EFL1: variants seen among roughly 807,000 people sequenced by gnomAD.
EFL1 encodes elongation factor like GTPase 1, also known as elongation factor-like GTPase 1.
A neutral mutation model predicts 126.7 loss-of-function variants in EFL1; 76 were observed. That is an observed-to-expected ratio of 0.60 (90% CI 0.50 to 0.73). EFL1 has a LOEUF of 0.73. Ranked by LOEUF, EFL1 falls within the 30% of genes least tolerant of loss-of-function variation. EFL1 has a pLI of 0.00. For synonymous variants in EFL1, 410 were observed against 448.4 expected (o/e 0.91, Z 1.08); for missense variants, 1,128 against 1,343.2 (o/e 0.84, Z 2.50).
chr15:82,214,166 AG>A (rs1281716018), intron 15 of EFL1, among the ~76,000 whole-genome samples: 1 of 152,202 alleles, frequency 6.6e-6, no homozygotes, highest in Non-Finnish European at 1.5e-5. Context: ...CTGAGTCTTT[AG>A]GGTTGCACTA....
At position 82,130,387 on chromosome 15, in the gene EFL1, T is replaced by G. The variant is rs1456477035; in HGVS notation, c.3349A>C (p.Ser1117Arg). The G allele has an allele frequency of 6.2e-7, 1 of 1,614,060 alleles. No individual in the cohort carries two copies. The highest frequency in any genetic ancestry group is 8.5e-7 in the Non-Finnish European group (1 of 1,179,974). ...VEHAEKQRTLSKNK is the reference protein window; with the variant it reads ...VEHAEKQRTLRKNK Reference sequence around the variant, plus strand: ...GTAGTAGGTAGCTACTTATTTTTGCTGAGTGTCCTCTGCTTTTCTGCATGC... The same window carrying G: ...GTAGTAGGTAGCTACTTATTTTTGCGGAGTGTCCTCTGCTTTTCTGCATGC... The change falls in exon 20 of 20, where the codon AGC becomes CGC. Residue 1117 changes from serine to arginine, a missense_variant. This residue lies in a region of EFL1 where 561 missense variants were observed against 641.7 expected (regional missense o/e 0.87). Coordinates refer to ENST00000268206, the MANE Select transcript of EFL1 (RefSeq NM_024580.6).
chr15:82,258,447 A>T (rs920740757), intron 3 of EFL1, among the ~76,000 whole-genome samples: 11 of 152,108 alleles, frequency 7.2e-5, no homozygotes, highest in Non-Finnish European at 1.6e-4. Context: ...GGTACCCAAG[A>T]GGCTGAGGTG....
chr15:82,161,667 T>C (rs1305625878), intron 16 of EFL1, among the ~76,000 whole-genome samples: 1 of 152,262 alleles, frequency 6.6e-6, no homozygotes, highest in African/African-American at 2.4e-5. Context: ...CATTTTAGTT[T>C]ACTTTTTACA....
intron 2 of EFL1, among the ~76,000 whole-genome samples, chr15:82,261,044 A>C (rs1262105750): frequency 6.6e-6 from 1 of 152,142 alleles, no homozygotes; most frequent in Non-Finnish European, 1.5e-5. Flanking sequence ...CTTTGACCAC[A>C]TATATTTCCC....
intron 16 of EFL1, 37 bp downstream of exon 16, chr15:82,163,816 T>C (rs1013604949): frequency 8.1e-6 from 13 of 1,607,936 alleles, no homozygotes; most frequent in Admixed American, 6.7e-5. Context: ...TTTAAAAGTA[T>C]AATAAACATA....
At chr15:82,200,713 T>C (rs188469055) in intron 15 of EFL1, among the ~76,000 whole-genome samples, 2 of 152,152 alleles carry the variant, frequency 1.3e-5, no homozygotes, top group Non-Finnish European at 2.9e-5. Context: ...GCTCTGGGAG[T>C]TGAATAATCC....
intron 2 of EFL1, among the ~76,000 whole-genome samples, chr15:82,260,487 T>C (rs1007534866): frequency 6.6e-6 from 1 of 152,176 alleles, no homozygotes; most frequent in African/African-American, 2.4e-5. Context: ...ACCAATCTAA[T>C]CTTTCTCATG....
intron 15 of EFL1, among the ~76,000 whole-genome samples, chr15:82,189,764 C>T (rs1595971476): frequency 6.6e-6 from 1 of 152,190 alleles, no homozygotes; most frequent in Admixed American, 6.5e-5. Context: ...TTAGTATATA[C>T]ATTTATTTAT....
chr15:82,154,647 G>T (rs180786172), intron 17 of EFL1, among the ~76,000 whole-genome samples: 3 of 152,136 alleles, frequency 2.0e-5, no homozygotes, highest in Non-Finnish European at 4.4e-5. Context: ...GGGCCCCAAT[G>T]CCATTAAGTA....
rs189108284 is a variant in EFL1, at chr15:82,218,441, T to C, written c.1611+1211A>G. Among the ~76,000 whole-genome samples, 399 of 152,284 alleles carry C rather than the reference T, an allele frequency of 2.6e-3. 3 individuals are homozygous for C. Among genetic ancestry groups the C allele is most frequent in the Admixed American group, 6.1e-3 (94 of 15,290 alleles). On this transcript the variant is annotated intron_variant, in intron 14 of 19. Transcript: ENST00000268206. ...CACATAAGCAACTGATTTCAACCTG[T>C]AGCAAAGACACATTATGCAGAGATA...
intron 1 of EFL1, 37 bp from the exon 2 acceptor site, chr15:82,261,834 C>A: frequency 2.6e-6 from 4 of 1,536,160 alleles, no homozygotes; most frequent in Non-Finnish European, 3.6e-6. Context: ...GGCCCAGAGG[C>A]TAAAGGTCGG....
chr15:82,255,945 C>T (rs1850278643), intron 3 of EFL1, among the ~76,000 whole-genome samples: 1 of 152,152 alleles, frequency 6.6e-6, no homozygotes, highest in African/African-American at 2.4e-5. Flanking sequence ...ATTTTTAAAT[C>T]AGCATATCAA....
intron 16 of EFL1, 118 bp downstream of exon 16, chr15:82,163,735 C>T: frequency 4.0e-6 from 5 of 1,252,556 alleles, no homozygotes; most frequent in Non-Finnish European, 5.4e-6. Flanking sequence ...CTACTATAGA[C>T]CTCAATGAAA....
chr15:82,134,291 T>C (rs933883714), intron 19 of EFL1, among the ~76,000 whole-genome samples: 3 of 152,092 alleles, frequency 2.0e-5, no homozygotes, highest in African/African-American at 4.8e-5. Context: ...TACCCTTTTA[T>C]GGTTGTCCAG....
chr15:82,148,183 A>C (rs983764373), intron 18 of EFL1, among the ~76,000 whole-genome samples: 1 of 151,902 alleles, frequency 6.6e-6, no homozygotes, highest in Non-Finnish European at 1.5e-5. Flanking sequence ...TTCGAGACCA[A>C]CCTGGCCAAC....
chr15:82,130,642 T>C (rs2073630447), intron 19 of EFL1, 81 bp from the exon 20 acceptor site: 23 of 1,422,894 alleles, frequency 1.6e-5, no homozygotes, highest in Non-Finnish European at 2.2e-5. Flanking sequence ...CCAATTTATA[T>C]AGTCTTAGCT....
chr15:82,261,563 T>C (rs1384619651), intron 2 of EFL1, 125 bp downstream of exon 2: 7 of 938,448 alleles, frequency 7.5e-6, no homozygotes, highest in South Asian at 7.3e-5. Flanking sequence ...ACAAAACTTT[T>C]AAAGAAAGAA....
chr15:82,228,348 G>T, intron 9 of EFL1, 21 bp from the exon 10 acceptor site: 3 of 1,610,510 alleles, frequency 1.9e-6, no homozygotes, highest in Non-Finnish European at 1.7e-6. Context: ...CACAAGATTG[G>T]AGAGGGGAAA....
intron 18 of EFL1, among the ~76,000 whole-genome samples, chr15:82,145,086 T>C (rs919384728): frequency 6.6e-6 from 1 of 151,274 alleles, no homozygotes; most frequent in African/African-American, 2.4e-5. Flanking sequence ...GGTTGATAAC[T>C]TGAGGTCGGG....
Sources: allele counts gnomAD v4.1 joint callset (sites outside exome capture counted in the v4.1 genomes callset), GRCh38; gene constraint gnomAD v4.1.1; regional missense constraint gnomAD v4.1.1; transcripts MANE v1.5; gene names NCBI Gene and HGNC (gene_info 2026-07-23, HGNC 2026-07-21).